Variants in CDH4 observed in about 807,000 individuals in gnomAD.
CDH4 encodes the protein cadherin-4.
Under a neutral mutation model 86.0 loss-of-function variants are expected in CDH4, and 33 were observed. The ratio of observed to expected loss-of-function variants is 0.38; its 90% CI spans 0.29 to 0.51. CDH4 has a LOEUF of 0.51. Among genes scored for constraint, CDH4 ranks in the 20% least tolerant of loss-of-function variants. The pLI, the probability that CDH4 is intolerant of heterozygous loss-of-function variation, is 0.86. For synonymous variants in CDH4, 555 were observed against 549.4 expected (o/e 1.01, Z -0.14); for missense variants, 1,114 against 1,307.4 (o/e 0.85, Z 2.28).
At chr20:61,934,717 G>GC (rs200122965) in intron 15 of CDH4, among the ~76,000 whole-genome samples, 4,283 of 148,616 alleles carry the variant, frequency 0.029, 125 homozygotes, top group African/African-American at 0.082. Context: ...AGGCCAACTT[G>GC]CCCCCCCTCC....
chr20:61,838,794 AGCCT>A (rs1340536520), intron 4 of CDH4, among the ~76,000 whole-genome samples: 1 of 147,454 alleles, frequency 6.8e-6, no homozygotes, highest in East Asian at 2.0e-4. Context: ...ACTGCACTCC[AGCCT>A]GGGTGACAGA....
At chr20:61,430,987 C>T (rs139720525) in intron 2 of CDH4, among the ~76,000 whole-genome samples, 1 of 152,322 alleles carries the variant, frequency 6.6e-6, no homozygotes, top group African/African-American at 2.4e-5. Context: ...ATGCCCCAGA[C>T]GCCTCCTTCC....
chr20:61,528,468 G>GGGGCAGGAGGGGGAGA (rs2085928867), intron 2 of CDH4, among the ~76,000 whole-genome samples: 1 of 100,548 alleles, frequency 9.9e-6, no homozygotes, highest in African/African-American at 3.7e-5. Flanking sequence ...GGAGAGGGAG[G>GGGGCAGGAGGGGGAGA]GGGAGGGGGA....
At chr20:61,280,956 C>T (rs2084255494) in intron 2 of CDH4, among the ~76,000 whole-genome samples, 1 of 152,200 alleles carries the variant, frequency 6.6e-6, no homozygotes, top group South Asian at 2.1e-4. Context: ...TTTGCTTTCT[C>T]TTTTTGTCTC....
chr20:61,566,695 C>T (rs1183266931), intron 2 of CDH4, among the ~76,000 whole-genome samples: 1 of 152,100 alleles, frequency 6.6e-6, no homozygotes, highest in Non-Finnish European at 1.5e-5. Flanking sequence ...TTCACTAAAT[C>T]ACTTTCTAAT....
At chr20:61,429,045 T>A (rs562262661) in intron 2 of CDH4, among the ~76,000 whole-genome samples, 1 of 143,820 alleles carries the variant, frequency 7.0e-6, no homozygotes, top group Admixed American at 6.7e-5. Flanking sequence ...AGAAAGATGT[T>A]AACGAAGATG....
intron 2 of CDH4, among the ~76,000 whole-genome samples, chr20:61,513,567 G>A (rs1440516053): frequency 1.3e-5 from 2 of 152,316 alleles, no homozygotes; most frequent in Non-Finnish European, 2.9e-5. Context: ...AGAATTCCGT[G>A]CTCCCTGGTG....
intron 2 of CDH4, among the ~76,000 whole-genome samples, chr20:61,322,310 T>C (rs2084513303): frequency 6.6e-6 from 1 of 152,216 alleles, no homozygotes; most frequent in Admixed American, 6.5e-5. Context: ...AGGCTTCGCC[T>C]GGCTCTGTGG....
chr20:61,658,874 A>C (rs1217477166), intron 2 of CDH4, among the ~76,000 whole-genome samples: 2 of 152,164 alleles, frequency 1.3e-5, no homozygotes, highest in Admixed American at 1.3e-4. Context: ...AGGGAGGACC[A>C]GGGTAGGGGG....
intron 2 of CDH4, among the ~76,000 whole-genome samples, chr20:61,461,667 C>T (rs2085443766): frequency 6.6e-6 from 1 of 152,170 alleles, no homozygotes; most frequent in South Asian, 2.1e-4. Context: ...AACTGTTACT[C>T]TCTGGAATTT....
chr20:61,553,987 G>A (rs1218615592), intron 2 of CDH4, among the ~76,000 whole-genome samples: 1 of 152,202 alleles, frequency 6.6e-6, no homozygotes, highest in African/African-American at 2.4e-5. Flanking sequence ...TGTCCTAGGA[G>A]CTGGTCAGTG....
At chr20:61,634,735 A>T (rs1161462036) in intron 2 of CDH4, among the ~76,000 whole-genome samples, 1 of 152,226 alleles carries the variant, frequency 6.6e-6, no homozygotes, top group Non-Finnish European at 1.5e-5. Context: ...GTATTCACAT[A>T]GCTGTGCGGA....
intron 2 of CDH4, among the ~76,000 whole-genome samples, chr20:61,430,195 T>G (rs545663303): frequency 6.6e-6 from 1 of 152,356 alleles, no homozygotes; most frequent in African/African-American, 2.4e-5. Context: ...CAGTCAGTAA[T>G]GTTTCCCTTA....
intron 2 of CDH4, among the ~76,000 whole-genome samples, chr20:61,711,459 G>C (rs2087892349): frequency 6.6e-6 from 1 of 152,196 alleles, no homozygotes; most frequent in South Asian, 2.1e-4. Flanking sequence ...GCAGAATCCT[G>C]CCTTTCCCAA....
chr20:61,643,866 C>G (rs1256423019), intron 2 of CDH4, among the ~76,000 whole-genome samples: 1 of 152,236 alleles, frequency 6.6e-6, no homozygotes, highest in Non-Finnish European at 1.5e-5. Context: ...GTAGGCGGAG[C>G]CCCTGCTACA....
Position 61,775,682 on chromosome 20 carries a change from G to T in CDH4, c.576+2500G>T, listed in dbSNP as rs371470537. On this transcript the variant is annotated intron_variant, in intron 4 of 15. Coordinates refer to ENST00000614565, the MANE Select transcript of CDH4 (RefSeq NM_001794.5). ...GCCCAAGCCACCCTCACAGGCACAGGGTAGGCACATTATTTGTGGAGTGAG... is the reference window on the plus strand; with the variant it reads ...GCCCAAGCCACCCTCACAGGCACAGTGTAGGCACATTATTTGTGGAGTGAG... 8.3e-4 allele frequency among the ~76,000 whole-genome samples: 127 copies of T among 152,304 alleles called. 3 individuals carry two copies. In the South Asian group the frequency reaches 0.026, roughly 31 times the overall value.
chr20:61,882,714 GAC>G (rs1170543020), intron 7 of CDH4, among the ~76,000 whole-genome samples: 1 of 152,208 alleles, frequency 6.6e-6, no homozygotes, highest in East Asian at 1.9e-4. Context: ...GAAAATGAAA[GAC>G]AAAAAGGCCC....
At chr20:61,413,644 G>A (rs1053050447) in intron 2 of CDH4, among the ~76,000 whole-genome samples, 12 of 152,210 alleles carry the variant, frequency 7.9e-5, no homozygotes, top group Admixed American at 3.3e-4. Context: ...ATGGCCTGGC[G>A]CTGGCGGTTG....
At chr20:61,893,415 G>T (rs896374655) in intron 7 of CDH4, among the ~76,000 whole-genome samples, 95 of 151,808 alleles carry the variant, frequency 6.3e-4, no homozygotes, top group Non-Finnish European at 1.2e-3. Flanking sequence ...TGGATGGAGG[G>T]GTGAGTGGAT....
Sources: allele counts gnomAD v4.1 joint callset (sites outside exome capture counted in the v4.1 genomes callset), GRCh38; gene constraint gnomAD v4.1.1; transcripts MANE v1.5; gene names NCBI Gene and HGNC (gene_info 2026-07-23, HGNC 2026-07-21).